Variants in C1orf185 observed in about 807,000 individuals in gnomAD.
The protein encoded by C1orf185 is chromosome 1 open reading frame 185, also known as uncharacterized protein C1orf185.
In C1orf185, 13 loss-of-function variants were observed where a neutral mutation model predicts 16.1. That is an observed-to-expected ratio of 0.81 (90% CI 0.53 to 1.28). The LOEUF is 1.28. C1orf185 is among the 50% of genes most tolerant of loss of function. C1orf185 has a pLI of 0.00. For missense variants in C1orf185, 220 were observed against 225.2 expected, an observed-to-expected ratio of 0.98 and a Z score of 0.15; for synonymous variants, 80 against 76.9, an observed-to-expected ratio of 1.04 and a Z score of -0.21.
chr1:51,121,988 G>T (rs369454232), intron 3 of C1orf185, among the ~76,000 whole-genome samples: 3 of 152,038 alleles, frequency 2.0e-5, no homozygotes, highest in Non-Finnish European at 4.4e-5. Context: ...TGCCATAAAT[G>T]TTATAGAATA....
chr1:51,114,526 C>A (rs1646144413), intron 2 of C1orf185, among the ~76,000 whole-genome samples: 1 of 152,094 alleles, frequency 6.6e-6, no homozygotes, highest in Non-Finnish European at 1.5e-5. Context: ...AGTTCGAGAC[C>A]AGCCTGGCCA....
chr1:51,147,121 C>T (rs958166858), intron 4 of C1orf185, among the ~76,000 whole-genome samples: 3 of 152,032 alleles, frequency 2.0e-5, no homozygotes, highest in Admixed American at 1.3e-4. Flanking sequence ...GCAATATTTA[C>T]ACAAATTGAA....
intron 3 of C1orf185, among the ~76,000 whole-genome samples, chr1:51,134,390 A>C (rs181020201): frequency 1.1e-4 from 17 of 152,258 alleles, no homozygotes; most frequent in Non-Finnish European, 2.4e-4. Flanking sequence ...AACAAGTTAG[A>C]AAGATCTCAA....
intron 2 of C1orf185, 150 bp from the exon 3 acceptor site, chr1:51,118,516 T>C (rs986833445): frequency 2.6e-5 from 12 of 453,186 alleles, no homozygotes; most frequent in African/African-American, 4.1e-5. Flanking sequence ...GTAGGGAGTA[T>C]GTAAATTGAC....
At chr1:51,127,889 T>TG (rs1471402812) in intron 3 of C1orf185, among the ~76,000 whole-genome samples, 1 of 146,336 alleles carries the variant, frequency 6.8e-6, no homozygotes, top group Non-Finnish European at 1.5e-5. Flanking sequence ...TTCTTTGTTT[T>TG]TTTTTTTTTT....
intron 3 of C1orf185, among the ~76,000 whole-genome samples, chr1:51,133,467 A>G (rs1200670461): frequency 3.3e-5 from 5 of 152,230 alleles, no homozygotes; most frequent in Non-Finnish European, 4.4e-5. Context: ...GAAAGGCATT[A>G]CATAATAGTA....
downstream of C1orf185, among the ~76,000 whole-genome samples, chr1:51,150,697 C>A (rs1004444216): frequency 6.6e-6 from 1 of 152,110 alleles, no homozygotes; most frequent in Non-Finnish European, 1.5e-5. Flanking sequence ...AGGTATCCTG[C>A]AATAGTTTCA....
intron 3 of C1orf185, 22 bp downstream of exon 3, chr1:51,118,823 T>C (rs1646177438): frequency 7.4e-7 from 1 of 1,347,446 alleles, no homozygotes; most frequent in Admixed American, 3.2e-5. Flanking sequence ...TATTTTATAG[T>C]AATCTTTTCA....
chr1:51,118,699 T>C lies in C1orf185; in HGVS notation c.156T>C (p.Ile52=). Residue 52 remains isoleucine, a synonymous_variant, in exon 3 of 5, where the codon ATT becomes ATC. Coordinates refer to ENST00000371759, the MANE Select transcript of C1orf185 (RefSeq NM_001136508.2). ...TTCAAAATTCCAAATTTAAAGCAAT[T>C]GATGAGAGATGCAGGCAAAGACCAT... ...EIFQNSKFKA[I]DERCRQRPSM... The C allele has an allele frequency of 6.9e-7, 1 of 1,446,854 alleles. No homozygotes were observed. Among genetic ancestry groups the C allele is most frequent in the Non-Finnish European group, 9.2e-7 (1 of 1,087,104 alleles). The allele number at this position is 1,446,854 out of a possible 1,614,324, so 89.6% of individuals were successfully genotyped here. A position where few individuals can be genotyped will look rare whatever the true frequency, so the allele number is the denominator to read the frequency against.
downstream of C1orf185, among the ~76,000 whole-genome samples, chr1:51,151,408 G>A (rs1276419347): frequency 1.3e-5 from 2 of 152,124 alleles, no homozygotes; most frequent in African/African-American, 2.4e-5. Flanking sequence ...GAGAATCAGA[G>A]AAGGAGTCAC....
At chr1:51,135,605 A>G (rs1646318128) in intron 3 of C1orf185, among the ~76,000 whole-genome samples, 2 of 152,340 alleles carry the variant, frequency 1.3e-5, no homozygotes, top group South Asian at 4.1e-4. Context: ...AAAATTTAAC[A>G]CAACTTCATG....
intron 3 of C1orf185, among the ~76,000 whole-genome samples, chr1:51,135,807 G>A (rs909408853): frequency 6.6e-6 from 1 of 152,076 alleles, no homozygotes; most frequent in Non-Finnish European, 1.5e-5. Flanking sequence ...TCCTGGCTAG[G>A]GCAATCAGGC....
intron 1 of C1orf185, chr1:51,107,136 AG>A (rs1646078972): frequency 6.6e-6 from 1 of 152,164 alleles, no homozygotes; most frequent in African/African-American, 2.4e-5. Flanking sequence ...CAGGAAGCTG[AG>A]ATGGAAGGAT....
chr1:51,139,702 T>G (rs1646350871), intron 3 of C1orf185, among the ~76,000 whole-genome samples: 1 of 152,158 alleles, frequency 6.6e-6, no homozygotes, highest in African/African-American at 2.4e-5. Context: ...TGTCTTAGAT[T>G]TTCATTCTTT....
chr1:51,110,545 C>G (rs1408280633), intron 1 of C1orf185, among the ~76,000 whole-genome samples: 1 of 152,146 alleles, frequency 6.6e-6, no homozygotes. Flanking sequence ...TTTATCATGT[C>G]ATATTCTTAG....
downstream of C1orf185, among the ~76,000 whole-genome samples, chr1:51,150,900 A>T (rs1264958367): frequency 3.3e-5 from 5 of 152,176 alleles, no homozygotes; most frequent in Non-Finnish European, 7.3e-5. Flanking sequence ...AGGGAACCAA[A>T]TATTTTCAAA....
intron 3 of C1orf185, among the ~76,000 whole-genome samples, chr1:51,137,322 C>T (rs992664057): frequency 1.3e-5 from 2 of 152,060 alleles, no homozygotes; most frequent in African/African-American, 4.8e-5. Context: ...CACTTGAGAT[C>T]AGGAGTTAGA....
intron 3 of C1orf185, among the ~76,000 whole-genome samples, chr1:51,120,119 C>A (rs1456555944): frequency 1.3e-5 from 2 of 152,040 alleles, no homozygotes; most frequent in Admixed American, 6.6e-5. Flanking sequence ...TGAAAGGAAG[C>A]AATATATTCA....
At chr1:51,111,189 A>C (rs184113246) in intron 1 of C1orf185, among the ~76,000 whole-genome samples, 1 of 152,178 alleles carries the variant, frequency 6.6e-6, no homozygotes, top group East Asian at 1.9e-4. Flanking sequence ...TAATAGGAAA[A>C]AAAAACCCAG....
Sources: gnomAD v4.1 joint callset for allele counts (sites outside exome capture counted in the v4.1 genomes callset) on GRCh38, gnomAD v4.1.1 for gene constraint, MANE v1.5 for transcripts, NCBI Gene and HGNC (gene_info 2026-07-23, HGNC 2026-07-21) for gene names.